The following LINC00632 variants were observed in gnomAD, a reference collection of about 807,000 sequenced individuals.
LINC00632 encodes the protein ALDOA related specific transcript.
chrX:140,776,371 G>T (rs1208631381), exon 5 of LINC00632, among the ~76,000 whole-genome samples: 1 of 112,707 alleles, frequency 8.9e-6, no homozygotes, highest in Non-Finnish European at 1.9e-5. Context: ...TCTGGGTCAG[G>T]GTTTCGTGAG....
At chrX:140,711,260 C>T (rs1023656267) in intron 1 of LINC00632, among the ~76,000 whole-genome samples, 1 of 111,178 alleles carries the variant, frequency 9.0e-6, no homozygotes, top group African/African-American at 3.3e-5. Context: ...ATAAAAATTA[C>T]CCATAATCCC....
At chrX:140,766,405 G>A (rs1406020113) in intron 3 of LINC00632, among the ~76,000 whole-genome samples, 1 of 112,153 alleles carries the variant, frequency 8.9e-6, no homozygotes, top group Non-Finnish European at 1.9e-5. Context: ...TAGAAAGAGA[G>A]TGAAGATGTT....
chrX:140,767,711 CTAGA>C (rs924220395), intron 3 of LINC00632, among the ~76,000 whole-genome samples: 1 of 111,537 alleles, frequency 9.0e-6, no homozygotes, highest in Non-Finnish European at 1.9e-5. Flanking sequence ...GGATAGCTAG[CTAGA>C]TAGATAGATA....
In LINC00632 at chrX:140,710,132, A is replaced by G. The variant is rs760133917; in HGVS notation, n.68+327A>G. On this transcript the variant is annotated intron_variant and non_coding_transcript_variant, in intron 1 of 4. Transcript: ENST00000648200. ...TTCAGAATTGTACCTCAGCTTTACGATATTTGTATTTGACGTGATGAAATG... is the reference window on the plus strand; with the variant it reads ...TTCAGAATTGTACCTCAGCTTTACGGTATTTGTATTTGACGTGATGAAATG... 6.2e-5 allele frequency among the ~76,000 whole-genome samples: 7 copies of G among 112,400 alleles called. No homozygotes were observed. The South Asian group carries it at 1.1e-3, about 18-fold the overall frequency.
chrX:140,751,795 A>G (rs112615428), intron 3 of LINC00632, among the ~76,000 whole-genome samples: 8,510 of 111,610 alleles, frequency 0.076, 310 homozygotes, highest in Admixed American at 0.17. Flanking sequence ...CTTGTTTACA[A>G]AGCCCGTTAT....
intron 2 of LINC00632, among the ~76,000 whole-genome samples, chrX:140,723,851 C>CAG (rs1930825478): frequency 2.2e-5 from 1 of 44,521 alleles, no homozygotes; most frequent in Non-Finnish European, 4.3e-5. Context: ...TCCATACACA[C>CAG]ACACATTCCA....
At chrX:140,732,870 T>A (rs1271388697) in intron 2 of LINC00632, among the ~76,000 whole-genome samples, 2 of 110,061 alleles carry the variant, frequency 1.8e-5, no homozygotes, top group African/African-American at 6.6e-5. Context: ...TTCAAGCAGT[T>A]CTCTGCCTCA....
At chrX:140,762,212 AG>A (rs1391805704) in intron 3 of LINC00632, among the ~76,000 whole-genome samples, 498 of 33,515 alleles carry the variant, frequency 0.015, 3 homozygotes, top group African/African-American at 0.05. Flanking sequence ...TTTCGAAAAG[AG>A]AGAGAGAGAG....
At chrX:140,786,792 G>A (rs1350104846) in exon 5 of LINC00632, among the ~76,000 whole-genome samples, 1 of 111,436 alleles carries the variant, frequency 9.0e-6, no homozygotes, top group East Asian at 2.8e-4. Flanking sequence ...AACATTCAGG[G>A]AATGATTAAG....
rs376330606 is a variant in LINC00632 at position 140,752,961 on chromosome X, A to G, written n.191+18997A>G. ...GCTACAACCAGAAAAAAATCCCAACAAAGTAAGAATTAGTTATTTTAATTA... is the reference window on the plus strand; with the variant it reads ...GCTACAACCAGAAAAAAATCCCAACGAAGTAAGAATTAGTTATTTTAATTA... On this transcript the variant is annotated intron_variant and non_coding_transcript_variant, in intron 3 of 4. Transcript: ENST00000648200. Among the ~76,000 whole-genome samples, 5 of 111,930 alleles carry G rather than the reference A, an allele frequency of 4.5e-5. No homozygotes were observed. The East Asian group carries it at 1.1e-3, about 25-fold the overall frequency.
At chrX:140,773,269 T>C (rs1331380558) in exon 4 of LINC00632, among the ~76,000 whole-genome samples, 2 of 111,105 alleles carry the variant, frequency 1.8e-5, no homozygotes, top group Non-Finnish European at 3.8e-5. Context: ...GAAGTGACTG[T>C]CAGAGGAAGC....
intron 3 of LINC00632, among the ~76,000 whole-genome samples, chrX:140,770,733 A>G (rs1281419793): frequency 9.0e-6 from 1 of 111,695 alleles, no homozygotes; most frequent in Non-Finnish European, 1.9e-5. Flanking sequence ...CGATTCCCTC[A>G]GTTCTTCCAA....
At chrX:140,788,259 GTGGT>G (rs1466741813) in exon 5 of LINC00632, among the ~76,000 whole-genome samples, 4 of 110,319 alleles carry the variant, frequency 3.6e-5, no homozygotes, top group South Asian at 3.8e-4. Context: ...GTGTTGGGTA[GTGGT>G]TGGTGTCATT....
At chrX:140,719,611 A>G (rs1286171433) in intron 2 of LINC00632, among the ~76,000 whole-genome samples, 3 of 108,580 alleles carry the variant, frequency 2.8e-5, no homozygotes, top group Non-Finnish European at 5.7e-5. Context: ...CTCTCCTTTT[A>G]ACACACAGAC....
intron 2 of LINC00632, among the ~76,000 whole-genome samples, chrX:140,725,286 C>T (rs1035931840): frequency 5.7e-5 from 5 of 88,042 alleles, no homozygotes; most frequent in African/African-American, 9.4e-5. Context: ...ATTCCATACA[C>T]ACACACATTC....
chrX:140,743,561 CA>C (rs1028245425), intron 3 of LINC00632, among the ~76,000 whole-genome samples: 3 of 107,462 alleles, frequency 2.8e-5, no homozygotes, highest in African/African-American at 6.8e-5. Context: ...TGAATTTTTA[CA>C]AAAAAAAAGG....
exon 5 of LINC00632, among the ~76,000 whole-genome samples, chrX:140,776,837 C>T (rs1186427862): frequency 2.7e-5 from 3 of 111,314 alleles, no homozygotes; most frequent in African/African-American, 9.8e-5. Flanking sequence ...AAGACATGCA[C>T]ACATATGTTT....
chrX:140,732,087 C>A (rs1477880538), intron 2 of LINC00632, among the ~76,000 whole-genome samples: 2 of 110,925 alleles, frequency 1.8e-5, no homozygotes, highest in Non-Finnish European at 3.8e-5. Flanking sequence ...GCCTGTAATC[C>A]CAGCTACTTG....
chrX:140,740,387 TG>T (rs1185524714), intron 3 of LINC00632, among the ~76,000 whole-genome samples: 1 of 111,388 alleles, frequency 9.0e-6, no homozygotes, highest in Non-Finnish European at 1.9e-5. Context: ...ATATTATATT[TG>T]GGAGGTCAGC....
Sources: allele counts gnomAD v4.1 joint callset (sites outside exome capture counted in the v4.1 genomes callset), GRCh38; gene constraint gnomAD v4.1.1; transcripts MANE v1.5; gene names NCBI Gene and HGNC (gene_info 2026-07-23, HGNC 2026-07-21).